Variants in MSRB2 observed in about 807,000 individuals in gnomAD.
MSRB2 encodes methionine sulfoxide reductase B2.
In MSRB2, 17 loss-of-function variants were observed where a neutral mutation model predicts 19.0. The observed-to-expected ratio is 0.89, with a 90% CI of 0.61 to 1.34. The LOEUF is 1.34. Ranked by LOEUF, MSRB2 falls within the 40% of genes most tolerant of loss-of-function variation. The pLI is 0.00. For missense variants in MSRB2, 208 were observed against 237.6 expected (o/e 0.88, Z 0.82); for synonymous variants, 107 against 99.7 (o/e 1.07, Z -0.44).
chr10:23,100,503 G>T (rs1336375198), intron 1 of MSRB2, among the ~76,000 whole-genome samples: 3 of 152,190 alleles, frequency 2.0e-5, no homozygotes, highest in African/African-American at 7.2e-5. Flanking sequence ...TTGGCTTACG[G>T]TTCCACAGGC....
At chr10:23,096,352 C>CTCTGTGTGTGTGTGTGTGTGTGTG (rs144653384) in intron 1 of MSRB2, among the ~76,000 whole-genome samples, 71 of 142,828 alleles carry the variant, frequency 5.0e-4, no homozygotes, top group African/African-American at 1.6e-3. Context: ...CTCTCTCTCT[C>CTCTGTGTGTGTGTGTGTGTGTGTG]TGTGTGTGTG....
At chr10:23,095,870 G>T in intron 1 of MSRB2, 144 bp downstream of exon 1, 1 of 426,210 alleles carries the variant, frequency 2.3e-6, no homozygotes. Flanking sequence ...CCCCCCCCCA[G>T]CCCGAGGATC....
At chr10:23,116,531 T>G (rs1011198199) in intron 3 of MSRB2, among the ~76,000 whole-genome samples, 2 of 152,208 alleles carry the variant, frequency 1.3e-5, no homozygotes, top group Non-Finnish European at 2.9e-5. Context: ...GTATTATAAT[T>G]AGATCCTATA....
chr10:23,106,073 G>A (rs1002486436), intron 2 of MSRB2, among the ~76,000 whole-genome samples: 2 of 152,184 alleles, frequency 1.3e-5, no homozygotes, highest in Non-Finnish European at 2.9e-5. Context: ...CTAGAGATGA[G>A]CTGCCAGATG....
In MSRB2 at chr10:23,121,479, A is replaced by C. The variant is rs948737275; in HGVS notation, c.*617A>C. 2 of 152,326 alleles carry C rather than the reference A, an allele frequency of 1.3e-5. No individual in the cohort carries two copies. Among genetic ancestry groups the C allele is most frequent in the African/African-American group, 4.8e-5 (2 of 41,460 alleles). 9.4% of individuals were successfully genotyped at this position (152,326 alleles called of 1,614,324 possible). On this transcript the variant is annotated 3_prime_UTR_variant, in exon 5 of 5. Coordinates refer to ENST00000376510, the MANE Select transcript of MSRB2 (RefSeq NM_012228.4). ...CCGGCACTAGGAATTATACTTCAAC[A>C]TAAGATTTGGAGAGGGAAAACATCC...
At position 23,119,306 on chromosome 10, in the gene MSRB2, C is replaced by A; in HGVS notation, c.299C>A (p.Ser100Tyr). ...CVCCDSPLFS[S>Y]EKKYCSGTGW... ...AGTATCGTTTATGTCTTCCACAGTT[C>A]TGAGAAAAAGTACTGCTCTGGCACT... The change falls in exon 4 of 5, where the codon TCT becomes TAT. Residue 100 changes from serine (S) to tyrosine (Y), a missense_variant and splice_region_variant. Ser to Tyr is a moderately radical substitution (Grantham distance 144). Coordinates refer to ENST00000376510, the MANE Select transcript of MSRB2 (RefSeq NM_012228.4). 1 of 1,613,812 alleles carries A rather than the reference C, an allele frequency of 6.2e-7. No individual in the cohort carries two copies. The highest frequency in any genetic ancestry group is 8.5e-7 in the Non-Finnish European group (1 of 1,179,856).
chr10:23,098,446 ATTTGAG>A (rs1485340092), intron 1 of MSRB2, among the ~76,000 whole-genome samples: 1 of 152,220 alleles, frequency 6.6e-6, no homozygotes, highest in Non-Finnish European at 1.5e-5. Context: ...ACTCCAAGGA[ATTTGAG>A]TTTATTAAGG....
intron 3 of MSRB2, among the ~76,000 whole-genome samples, chr10:23,115,935 GAAAGACTGGGATTA>G: frequency 6.6e-6 from 1 of 152,034 alleles, no homozygotes; most frequent in East Asian, 1.9e-4. Flanking sequence ...GTTGAGGATG[GAAAGACTGGGATTA>G]AAAGATACTT....
intron 1 of MSRB2, among the ~76,000 whole-genome samples, chr10:23,102,600 C>T (rs1472176640): frequency 6.6e-6 from 1 of 152,150 alleles, no homozygotes; most frequent in African/African-American, 2.4e-5. Flanking sequence ...GACAGGATGT[C>T]ACTTGTCCCA....
chr10:23,113,654 A>G (rs1034868012), intron 3 of MSRB2, among the ~76,000 whole-genome samples: 1 of 152,188 alleles, frequency 6.6e-6, no homozygotes, highest in African/African-American at 2.4e-5. Flanking sequence ...GGGTGGCTGC[A>G]GGTATAATTA....
chr10:23,099,284 T>C (rs183759093), intron 1 of MSRB2, among the ~76,000 whole-genome samples: 23 of 152,350 alleles, frequency 1.5e-4, no homozygotes, highest in Middle Eastern at 6.8e-3. Context: ...TTCATCATTT[T>C]GCTATCAAAG....
intron 3 of MSRB2, among the ~76,000 whole-genome samples, chr10:23,112,442 G>A (rs2131630279): frequency 6.6e-6 from 1 of 152,252 alleles, no homozygotes; most frequent in African/African-American, 2.4e-5. Context: ...TTCCTCACCT[G>A]TAAAATGAAG....
intron 3 of MSRB2, 195 bp from the exon 4 acceptor site, chr10:23,119,109 G>A (rs1408498362): frequency 5.7e-6 from 4 of 700,290 alleles, no homozygotes; most frequent in Admixed American, 2.0e-5. Context: ...CTTCCACTTC[G>A]AGAGGCAATG....
rs1163692101 is a variant in MSRB2, at chr10:23,097,575, T to C, written c.118+1849T>C. ...AGCCCCACCTCCACATTCCATCTCATTGGGAGTTAGGGCTTTAGCATATGG... is the reference window on the plus strand; with the variant it reads ...AGCCCCACCTCCACATTCCATCTCACTGGGAGTTAGGGCTTTAGCATATGG... On this transcript the variant is annotated intron_variant, in intron 1 of 4. Transcript: ENST00000376510. Among the ~76,000 whole-genome samples, 3 of 152,180 alleles carry C rather than the reference T, an allele frequency of 2.0e-5. No homozygotes were observed. The East Asian group carries it at 5.8e-4, about 29-fold the overall frequency.
chr10:23,117,763 C>G (rs573714631), intron 3 of MSRB2, among the ~76,000 whole-genome samples: 10 of 152,192 alleles, frequency 6.6e-5, no homozygotes, highest in Admixed American at 1.3e-4. Context: ...GCTAGTTTTT[C>G]TATTTTTAGT....
chr10:23,099,317 G>A (rs149920368), intron 1 of MSRB2, among the ~76,000 whole-genome samples: 1 of 152,344 alleles, frequency 6.6e-6, no homozygotes, highest in East Asian at 1.9e-4. Context: ...GCCCTTGACT[G>A]AGCCTTCTAG....
intron 3 of MSRB2, among the ~76,000 whole-genome samples, chr10:23,116,992 G>A (rs1291681303): frequency 1.3e-5 from 2 of 152,186 alleles, no homozygotes; most frequent in Non-Finnish European, 2.9e-5. Context: ...GTATAATGAG[G>A]TGTGTCTGAC....
chr10:23,107,749 C>T (rs1839999168), intron 2 of MSRB2, among the ~76,000 whole-genome samples: 1 of 152,122 alleles, frequency 6.6e-6, no homozygotes, highest in South Asian at 2.1e-4. Flanking sequence ...TGCTGCCCAC[C>T]TCTGCAACAC....
chr10:23,107,664 C>T (rs1345385029), intron 2 of MSRB2, among the ~76,000 whole-genome samples: 1 of 152,212 alleles, frequency 6.6e-6, no homozygotes, highest in Admixed American at 6.5e-5. Context: ...GCTGTCACCA[C>T]ATGGTATAAA....
Sources: allele counts gnomAD v4.1 joint callset (sites outside exome capture counted in the v4.1 genomes callset), GRCh38; gene constraint gnomAD v4.1.1; transcripts MANE v1.5; gene names NCBI Gene and HGNC (gene_info 2026-07-23, HGNC 2026-07-21).